Variants in ZNF423 observed in about 807,000 individuals in gnomAD.
ZNF423 encodes zinc finger protein 423.
A neutral mutation model predicts 95.8 loss-of-function variants in ZNF423; 12 were observed. That is an observed-to-expected ratio of 0.13 (90% CI 0.08 to 0.20). The LOEUF (loss-of-function observed/expected upper bound fraction) is 0.20. Ranked by LOEUF, ZNF423 falls within the 10% of genes least tolerant of loss-of-function variation. The probability of loss-of-function intolerance (pLI) is 1.00; values close to 1 mark genes in which losing one functional copy is unlikely to be tolerated. For synonymous variants in ZNF423, 749 were observed against 711.9 expected, an observed-to-expected ratio of 1.05 and a Z score of -0.83; for missense variants, 1,316 against 1,737.1, an observed-to-expected ratio of 0.76 and a Z score of 4.31.
intron 7 of ZNF423, among the ~76,000 whole-genome samples, chr16:49,505,753 A>T (rs1203368904): frequency 6.6e-6 from 1 of 152,226 alleles, no homozygotes; most frequent in Non-Finnish European, 1.5e-5. Context: ...CGTCACCCAG[A>T]AAGGCAGGGC....
chr16:49,516,911 C>T (rs1296888929), intron 7 of ZNF423, among the ~76,000 whole-genome samples: 1 of 152,168 alleles, frequency 6.6e-6, no homozygotes, highest in Non-Finnish European at 1.5e-5. Flanking sequence ...CCTGGGTGTT[C>T]CTTCTGGCTA....
At chr16:49,536,432 GTT>G (rs767808121) in intron 5 of ZNF423, among the ~76,000 whole-genome samples, 40 of 126,778 alleles carry the variant, frequency 3.2e-4, no homozygotes, top group African/African-American at 1.1e-3. Context: ...TTTCTGGGTG[GTT>G]TTTTTTTTTT....
At chr16:49,707,302 G>A (rs958142881) in intron 3 of ZNF423, among the ~76,000 whole-genome samples, 2 of 152,090 alleles carry the variant, frequency 1.3e-5, no homozygotes, top group African/African-American at 4.8e-5. Flanking sequence ...GTCAAGATGT[G>A]GGGAGAACCT....
intron 2 of ZNF423, among the ~76,000 whole-genome samples, chr16:49,775,182 T>A (rs2034100893): frequency 1.3e-5 from 2 of 152,198 alleles, no homozygotes; most frequent in Admixed American, 1.3e-4. Flanking sequence ...TGTTTCTGCA[T>A]CGTGTGCCAA....
chr16:49,721,857 C>T (rs1030472466), intron 3 of ZNF423, among the ~76,000 whole-genome samples: 3 of 152,204 alleles, frequency 2.0e-5, no homozygotes, highest in South Asian at 2.1e-4. Flanking sequence ...CCATGGAAAA[C>T]ACAAGAAATG....
chr16:49,675,498 A>G (rs927679681), intron 3 of ZNF423, among the ~76,000 whole-genome samples: 3 of 151,762 alleles, frequency 2.0e-5, no homozygotes, highest in Admixed American at 2.0e-4. Context: ...CCTCAGCTGG[A>G]ATTGGGCACG....
intron 5 of ZNF423, among the ~76,000 whole-genome samples, chr16:49,558,105 G>A (rs2151764009): frequency 6.6e-6 from 1 of 152,296 alleles, no homozygotes; most frequent in South Asian, 2.1e-4. Flanking sequence ...CAGAGGCAAG[G>A]ACTGTTTTTG....
chr16:49,707,829 T>C (rs2032405239), intron 3 of ZNF423, among the ~76,000 whole-genome samples: 1 of 152,160 alleles, frequency 6.6e-6, no homozygotes, highest in African/African-American at 2.4e-5. Context: ...ATTTATTTTT[T>C]TGAGACAGAG....
intron 1 of ZNF423, among the ~76,000 whole-genome samples, chr16:49,797,891 G>T (rs1009644790): frequency 3.3e-5 from 5 of 151,546 alleles, no homozygotes; most frequent in African/African-American, 1.2e-4. Flanking sequence ...TCACCAAAAG[G>T]AGGCTGGGTC....
At chr16:49,712,148 A>G (rs1466865468) in intron 3 of ZNF423, among the ~76,000 whole-genome samples, 3 of 152,266 alleles carry the variant, frequency 2.0e-5, no homozygotes, top group East Asian at 1.9e-4. Context: ...TAAAGAATAC[A>G]TTTATGTATT....
intron 3 of ZNF423, among the ~76,000 whole-genome samples, chr16:49,728,987 T>C (rs1260943847): frequency 2.0e-5 from 3 of 152,126 alleles, no homozygotes; most frequent in Non-Finnish European, 4.4e-5. Flanking sequence ...TGCCTCAGCC[T>C]CCCAAAATGC....
At chr16:49,710,410 G>T (rs1364147714) in intron 3 of ZNF423, among the ~76,000 whole-genome samples, 1 of 152,196 alleles carries the variant, frequency 6.6e-6, no homozygotes, top group Non-Finnish European at 1.5e-5. Context: ...CCCCAGGTCT[G>T]TTCAAATGGA....
At chr16:49,813,858 G>C (rs1285944938) in intron 1 of ZNF423, among the ~76,000 whole-genome samples, 1 of 152,338 alleles carries the variant, frequency 6.6e-6, no homozygotes, top group East Asian at 1.9e-4. Flanking sequence ...ACCCAGGAAA[G>C]GCCAAAAGCT....
At chr16:49,724,781 G>A (rs547961726) in intron 3 of ZNF423, among the ~76,000 whole-genome samples, 38 of 152,302 alleles carry the variant, frequency 2.5e-4, no homozygotes, top group African/African-American at 9.1e-4. Context: ...CAGAAAAGGA[G>A]GGCCTACCTT....
intron 3 of ZNF423, among the ~76,000 whole-genome samples, chr16:49,712,995 C>T (rs985493035): frequency 2.0e-5 from 3 of 152,206 alleles, no homozygotes; most frequent in Admixed American, 1.3e-4. Flanking sequence ...TGATTCATGT[C>T]GCCATTTATG....
At chr16:49,641,957 A>G (rs1972988514) in intron 3 of ZNF423, among the ~76,000 whole-genome samples, 1 of 152,218 alleles carries the variant, frequency 6.6e-6, no homozygotes, top group African/African-American at 2.4e-5. Context: ...CTTACCAAAG[A>G]CTGGCTGAGT....
intron 3 of ZNF423, among the ~76,000 whole-genome samples, chr16:49,686,791 T>C (rs990520253): frequency 3.5e-5 from 1 of 28,664 alleles, no homozygotes; most frequent in East Asian, 6.8e-4. Flanking sequence ...CAGGAACAGA[T>C]GGAGGAGCAA....
intron 5 of ZNF423, among the ~76,000 whole-genome samples, chr16:49,552,517 C>G (rs1969679639): frequency 6.6e-6 from 1 of 152,084 alleles, no homozygotes; most frequent in African/African-American, 2.4e-5. Flanking sequence ...AATATTGTGT[C>G]AGAGATTGGA....
chr16:49,545,960 G>A (rs1391643544), intron 5 of ZNF423, among the ~76,000 whole-genome samples: 1 of 152,198 alleles, frequency 6.6e-6, no homozygotes, highest in Non-Finnish European at 1.5e-5. Context: ...CTTAACCCCA[G>A]GGCTGTGCTA....
Sources: gnomAD v4.1 joint callset for allele counts (sites outside exome capture counted in the v4.1 genomes callset) on GRCh38, gnomAD v4.1.1 for gene constraint, MANE v1.5 for transcripts, NCBI Gene and HGNC (gene_info 2026-07-23, HGNC 2026-07-21) for gene names.